The following ETV6 variants were observed in gnomAD, a reference collection of about 807,000 sequenced individuals.
The protein encoded by ETV6 is ETS variant transcription factor 6.
A neutral mutation model predicts 51.1 loss-of-function variants in ETV6; 16 were observed. That is an observed-to-expected ratio of 0.31 (90% CI 0.21 to 0.48). The LOEUF (loss-of-function observed/expected upper bound fraction) is 0.48. Ranked by LOEUF, ETV6 falls within the 20% of genes least tolerant of loss-of-function variation. ETV6 has a pLI of 0.99. For synonymous variants in ETV6, 240 were observed against 224.1 expected (o/e 1.07, Z -0.64); for missense variants, 458 against 594.8 (o/e 0.77, Z 2.39).
chr12:11,804,123 G>A (rs1472232450), intron 2 of ETV6, among the ~76,000 whole-genome samples: 1 of 152,026 alleles, frequency 6.6e-6, no homozygotes. Context: ...GGTGTTTACT[G>A]CATACTCTGA....
At chr12:11,689,822 C>A (rs1261654757) in intron 1 of ETV6, among the ~76,000 whole-genome samples, 8 of 102,558 alleles carry the variant, frequency 7.8e-5, no homozygotes, top group Non-Finnish European at 1.4e-4. Context: ...CCCCCCCCCC[C>A]ACCCCCCTTT....
At chr12:11,801,755 T>C (rs1177600035) in intron 2 of ETV6, among the ~76,000 whole-genome samples, 5 of 149,788 alleles carry the variant, frequency 3.3e-5, no homozygotes. Flanking sequence ...AGGGTGGAGG[T>C]AGACCAGGAG....
At chr12:11,839,670 A>G (rs1287428390) in intron 3 of ETV6, among the ~76,000 whole-genome samples, 2 of 152,232 alleles carry the variant, frequency 1.3e-5, no homozygotes, top group Non-Finnish European at 2.9e-5. Context: ...GCTTGAGCCC[A>G]GGAGTTTGAG....
Position 11,650,142 on chromosome 12 carries a change from T to G in ETV6, c.15T>G (p.Pro5=). 6.2e-7 allele frequency: 1 copy of G among 1,613,850 alleles called. No individual in the cohort carries two copies. Among genetic ancestry groups the G allele is most frequent in the Non-Finnish European group, 8.5e-7 (1 of 1,179,808 alleles). Residue 5 remains proline (P), a synonymous_variant, in exon 1 of 8, where the codon CCT becomes CCG. Transcript: ENST00000396373. MSET[P]AQCSIKQERI... is the part of the protein sequence containing the mutation. ...CGCTGTGAGACATGTCTGAGACTCC[T>G]GCTCAGTGTAGCATTAAGGTAAAAA...
intron 1 of ETV6, among the ~76,000 whole-genome samples, chr12:11,713,307 A>G (rs1591626415): frequency 6.6e-6 from 1 of 152,164 alleles, no homozygotes; most frequent in East Asian, 1.9e-4. Flanking sequence ...ATGTTTGGTA[A>G]TCACCTTTTT....
chr12:11,819,883 T>C (rs1056241233), intron 2 of ETV6, among the ~76,000 whole-genome samples: 1 of 152,244 alleles, frequency 6.6e-6, no homozygotes, highest in African/African-American at 2.4e-5. Context: ...AGTGATCCTT[T>C]GAAAACAATA....
intron 2 of ETV6, among the ~76,000 whole-genome samples, chr12:11,754,138 A>G (rs545727900): frequency 1.1e-3 from 174 of 152,266 alleles, no homozygotes; most frequent in Middle Eastern, 0.01. Context: ...GATGGAACAT[A>G]CTCATGCCAC....
intron 1 of ETV6, among the ~76,000 whole-genome samples, chr12:11,733,626 A>C (rs1184698115): frequency 1.3e-5 from 2 of 152,100 alleles, no homozygotes; most frequent in African/African-American, 4.8e-5. Context: ...CTGACAACTC[A>C]CACTAGGCCA....
intron 2 of ETV6, among the ~76,000 whole-genome samples, chr12:11,757,878 C>T (rs1360928797): frequency 1.3e-5 from 2 of 152,184 alleles, no homozygotes; most frequent in East Asian, 1.9e-4. Context: ...AGGATAACAG[C>T]CTGTCCCTGT....
chr12:11,893,159 A>G lies in ETV6; in HGVS notation c.*2113A>G. On this transcript the variant is annotated 3_prime_UTR_variant, in exon 8 of 8. Transcript: ENST00000396373. ...CAGCCTCTAAGATGACTGGTATTCT[A>G]TCTGAAATGCAGAGATTAAGCCAAA... 3 of 232,858 alleles carry G rather than the reference A, an allele frequency of 1.3e-5. No individual in the cohort carries two copies. Among genetic ancestry groups the G allele is most frequent in the Non-Finnish European group, 2.5e-5 (3 of 117,832 alleles). 14.4% of individuals were successfully genotyped at this position (232,858 alleles called of 1,614,324 possible). A position where few individuals can be genotyped will look rare whatever the true frequency, so the allele number is the denominator to read the frequency against.
At chr12:11,839,821 A>C (rs1419392061) in intron 3 of ETV6, among the ~76,000 whole-genome samples, 1 of 152,134 alleles carries the variant, frequency 6.6e-6, no homozygotes, top group East Asian at 1.9e-4. Context: ...TGGAGGCTGC[A>C]GTGAGCTGAG....
chr12:11,661,313 T>C (rs143739529), intron 1 of ETV6, among the ~76,000 whole-genome samples: 116 of 152,284 alleles, frequency 7.6e-4, no homozygotes, highest in African/African-American at 2.6e-3. Context: ...CATTTTGACT[T>C]GAGATCTGGG....
At chr12:11,704,871 A>G (rs772834111) in intron 1 of ETV6, among the ~76,000 whole-genome samples, 10 of 152,236 alleles carry the variant, frequency 6.6e-5, no homozygotes, top group Non-Finnish European at 1.2e-4. Flanking sequence ...GCCTTAAAAA[A>G]GGAGATCTTG....
At chr12:11,733,818 A>G (rs1368045800) in intron 1 of ETV6, among the ~76,000 whole-genome samples, 1 of 152,250 alleles carries the variant, frequency 6.6e-6, no homozygotes, top group African/African-American at 2.4e-5. Flanking sequence ...TTGTAAATCC[A>G]GGCGAAGCTG....
At chr12:11,686,931 G>C (rs1864641868) in intron 1 of ETV6, among the ~76,000 whole-genome samples, 1 of 152,036 alleles carries the variant, frequency 6.6e-6, no homozygotes, top group African/African-American at 2.4e-5. Context: ...TCTCACCCAG[G>C]CTGGAATGCA....
chr12:11,794,233 G>A (rs1370335592), intron 2 of ETV6, among the ~76,000 whole-genome samples: 1 of 152,186 alleles, frequency 6.6e-6, no homozygotes, highest in East Asian at 1.9e-4. Context: ...GCAGCTTTAA[G>A]AGTGCACTTA....
At chr12:11,680,396 C>T (rs1162125851) in intron 1 of ETV6, among the ~76,000 whole-genome samples, 1 of 152,136 alleles carries the variant, frequency 6.6e-6, no homozygotes, top group African/African-American at 2.4e-5. Flanking sequence ...GAATATTTTG[C>T]TTCCTTTGGT....
At chr12:11,679,224 G>C (rs1284566630) in intron 1 of ETV6, among the ~76,000 whole-genome samples, 1 of 152,060 alleles carries the variant, frequency 6.6e-6, no homozygotes, top group Non-Finnish European at 1.5e-5. Flanking sequence ...TGTCTCAAAG[G>C]ATCATTTTTT....
intron 1 of ETV6, among the ~76,000 whole-genome samples, chr12:11,695,710 C>T (rs1052872307): frequency 1.2e-4 from 19 of 152,190 alleles, no homozygotes; most frequent in Admixed American, 2.6e-4. Flanking sequence ...GTTCTCCAGG[C>T]GCCTCCTTCT....
Sources: gnomAD v4.1 joint callset for allele counts (sites outside exome capture counted in the v4.1 genomes callset) on GRCh38, gnomAD v4.1.1 for gene constraint, MANE v1.5 for transcripts, NCBI Gene and HGNC (gene_info 2026-07-23, HGNC 2026-07-21) for gene names.